Variants in CABIN1 observed in about 807,000 individuals in gnomAD.
CABIN1 encodes calcineurin binding protein 1.
A neutral mutation model predicts 227.7 loss-of-function variants in CABIN1; 133 were observed. That is an observed-to-expected ratio of 0.58 (90% CI 0.51 to 0.67). CABIN1 has a LOEUF of 0.67. Among genes scored for constraint, CABIN1 ranks in the 30% least tolerant of loss-of-function variants. CABIN1 has a pLI of 0.00. For missense variants in CABIN1, 2,408 were observed against 2,852.5 expected (o/e 0.84, Z 3.55); for synonymous variants, 1,086 against 1,155.1 (o/e 0.94, Z 1.21).
intron 1 of CABIN1, among the ~76,000 whole-genome samples, chr22:24,013,814 T>C (rs1274241171): frequency 6.6e-6 from 1 of 152,236 alleles, no homozygotes; most frequent in Non-Finnish European, 1.5e-5. Flanking sequence ...TTGATGCTTT[T>C]AAAGAGTAGT....
In CABIN1 at chr22:24,177,682, C is replaced by T; in HGVS notation, c.6384C>T (p.Pro2128=). 6.2e-7 allele frequency: 1 copy of T among 1,613,880 alleles called. No individual in the cohort carries two copies. ...AGCCCAGCCGGGCTAAGTCCCGCCC[C>T]CTGCCCAACATGCCAAAGCTGGTCA... ...KPEPSRAKSR[P]LPNMPKLVIP... is the part of the protein sequence containing the mutation. Residue 2128 remains proline, a synonymous_variant, in exon 36 of 37, where the codon CCC becomes CCT. Coordinates refer to ENST00000263119, the MANE Select transcript of CABIN1 (RefSeq NM_012295.4). This position sits in a 1 kb window ranked among gnomAD's most constrained non-coding sequence, Gnocchi z 4.4.
chr22:24,177,426 G>C lies in CABIN1; in HGVS notation c.6206-78G>C. On this transcript the variant is annotated intron_variant, in intron 35 of 36. Transcript: ENST00000263119. This position sits in a 1 kb window ranked among gnomAD's most constrained non-coding sequence, Gnocchi z 4.4. ...AGCATAAAGGCCCAGGACCTGGGGGGAGCGGGTGGGGGCGAGATAAAGTGC... is the reference window on the plus strand; with the variant it reads ...AGCATAAAGGCCCAGGACCTGGGGGCAGCGGGTGGGGGCGAGATAAAGTGC... 1 of 1,256,624 alleles carries C rather than the reference G, an allele frequency of 8.0e-7. No individual in the cohort carries two copies. The highest frequency in any genetic ancestry group is 1.1e-6 in the Non-Finnish European group (1 of 911,602). The allele number at this position is 1,256,624 out of a possible 1,614,324, so 77.8% of individuals were successfully genotyped here. A position where few individuals can be genotyped will look rare whatever the true frequency, so the allele number is the denominator to read the frequency against.
intron 29 of CABIN1, among the ~76,000 whole-genome samples, chr22:24,151,553 A>G (rs950979004): frequency 2.6e-5 from 4 of 152,064 alleles, no homozygotes; most frequent in African/African-American, 9.7e-5. Context: ...AGTCTTCCAA[A>G]GAGTGGGCTA....
chr22:24,093,598 G>C (rs1404231703), intron 24 of CABIN1, among the ~76,000 whole-genome samples: 1 of 152,084 alleles, frequency 6.6e-6, no homozygotes, highest in African/African-American at 2.4e-5. Context: ...GCCAGGCATG[G>C]TGGCTCACAC....
At chr22:24,063,672 C>A (rs1369959213) in intron 14 of CABIN1, among the ~76,000 whole-genome samples, 2 of 152,062 alleles carry the variant, frequency 1.3e-5, no homozygotes, top group African/African-American at 2.4e-5. Flanking sequence ...TTGCTAGGGC[C>A]CTGTCAGCAA....
intron 33 of CABIN1, among the ~76,000 whole-genome samples, chr22:24,168,747 C>T (rs368405150): frequency 1.3e-5 from 2 of 152,218 alleles, no homozygotes; most frequent in African/African-American, 2.4e-5. Context: ...GTCCCCTCAC[C>T]TCAGCCACCT....
intron 29 of CABIN1, among the ~76,000 whole-genome samples, chr22:24,135,467 C>A (rs186684214): frequency 6.6e-6 from 1 of 152,288 alleles, no homozygotes; most frequent in African/African-American, 2.4e-5. Context: ...TGGAGACTTA[C>A]TCCTTGAGCA....
intron 29 of CABIN1, among the ~76,000 whole-genome samples, chr22:24,143,702 G>A (rs2044927063): frequency 6.6e-6 from 1 of 152,152 alleles, no homozygotes; most frequent in Admixed American, 6.5e-5. Context: ...ATCGGGGGGT[G>A]CCTCCTTAGG....
At position 24,100,463 on chromosome 22, in the gene CABIN1, G is replaced by A. The variant is rs538894244; in HGVS notation, c.4117+2271G>A. ...TGCTGGTGTCAGGGGATGTGCTGGT[G>A]GCCTCAAGGGGCCACACTGCCCACC... On this transcript the variant is annotated intron_variant, in intron 26 of 36. Transcript: ENST00000263119. 3.5e-3 allele frequency among the ~76,000 whole-genome samples: 527 copies of A among 152,360 alleles called. 1 individual carries two copies. The highest frequency in any genetic ancestry group is 5.5e-3 in the Non-Finnish European group (371 of 68,036).
chr22:24,147,618 T>A (rs1164171023), intron 29 of CABIN1, among the ~76,000 whole-genome samples: 1 of 151,618 alleles, frequency 6.6e-6, no homozygotes, highest in East Asian at 2.0e-4. Flanking sequence ...CCAGCGCACA[T>A]CTTTTTTTGA....
At chr22:24,072,966 C>T (rs1450803735) in intron 18 of CABIN1, among the ~76,000 whole-genome samples, 2 of 152,180 alleles carry the variant, frequency 1.3e-5, no homozygotes, top group Non-Finnish European at 2.9e-5. Flanking sequence ...TCTATTTCCC[C>T]ATACCCATAT....
chr22:24,043,400 G>A (rs1469977688), intron 6 of CABIN1, among the ~76,000 whole-genome samples: 1 of 135,894 alleles, frequency 7.4e-6, no homozygotes, highest in African/African-American at 2.8e-5. Flanking sequence ...CCCATTTTGT[G>A]TGTCTTAGTC....
intron 32 of CABIN1, 77 bp downstream of exon 32, chr22:24,167,390 G>A: frequency 7.0e-7 from 1 of 1,433,234 alleles, no homozygotes; most frequent in Non-Finnish European, 9.6e-7. Flanking sequence ...CCTCAAGGAG[G>A]GTCTCCCAGG....
chr22:24,064,872 T>C (rs1210884370), intron 15 of CABIN1, among the ~76,000 whole-genome samples: 1 of 151,674 alleles, frequency 6.6e-6, no homozygotes, highest in East Asian at 1.9e-4. Context: ...GCAGAAGAAT[T>C]TTTCTTAGTA....
At chr22:24,129,831 G>A (rs1191778425) in intron 28 of CABIN1, among the ~76,000 whole-genome samples, 1 of 152,218 alleles carries the variant, frequency 6.6e-6, no homozygotes, top group Non-Finnish European at 1.5e-5. Context: ...AAGTGTGGCT[G>A]GAGGGCTGTT....
intron 28 of CABIN1, among the ~76,000 whole-genome samples, chr22:24,127,263 T>C (rs1602234807): frequency 6.6e-6 from 1 of 152,164 alleles, no homozygotes; most frequent in African/African-American, 2.4e-5. Flanking sequence ...TGTGGTACCC[T>C]GGACCAGCCG....
At chr22:24,091,912 A>G in intron 24 of CABIN1, 69 bp downstream of exon 24, 2 of 1,585,346 alleles carry the variant, frequency 1.3e-6, no homozygotes, top group African/African-American at 1.3e-5. Context: ...CTCCCTGGGC[A>G]TGTGGCTCAA....
At chr22:24,024,177 A>T (rs1345599546) in intron 1 of CABIN1, among the ~76,000 whole-genome samples, 1 of 151,838 alleles carries the variant, frequency 6.6e-6, no homozygotes, top group Non-Finnish European at 1.5e-5. Flanking sequence ...TCACTTTTTG[A>T]TAGTGTCCTT....
At chr22:24,162,654 G>A (rs960430335) in intron 29 of CABIN1, among the ~76,000 whole-genome samples, 1 of 152,240 alleles carries the variant, frequency 6.6e-6, no homozygotes, top group Non-Finnish European at 1.5e-5. Flanking sequence ...AGGGCTGGCT[G>A]GGGAAGTTTT....
Sources: gnomAD v4.1 joint callset for allele counts (sites outside exome capture counted in the v4.1 genomes callset) on GRCh38, gnomAD v4.1.1 for gene constraint, Gnocchi (gnomAD v3.1) non-coding constraint, MANE v1.5 for transcripts, NCBI Gene and HGNC (gene_info 2026-07-23, HGNC 2026-07-21) for gene names.